RPRD2: variants seen among roughly 807,000 people sequenced by gnomAD.
The protein encoded by RPRD2 is regulation of nuclear pre-mRNA domain containing 2.
Under a neutral mutation model 104.4 loss-of-function variants are expected in RPRD2, and 12 were observed. That is an observed-to-expected ratio of 0.11 (90% CI 0.07 to 0.19). The LOEUF (loss-of-function observed/expected upper bound fraction) is 0.19. Among genes scored for constraint, RPRD2 ranks in the 10% least tolerant of loss-of-function variants. The pLI is 1.00. For missense variants in RPRD2, 1,543 were observed against 1,790.1 expected, an observed-to-expected ratio of 0.86 and a Z score of 2.49; for synonymous variants, 714 against 684.9, an observed-to-expected ratio of 1.04 and a Z score of -0.66.
intron 1 of RPRD2, among the ~76,000 whole-genome samples, chr1:150,403,886 G>A (rs782772029): frequency 2.0e-5 from 3 of 151,858 alleles, no homozygotes; most frequent in African/African-American, 4.8e-5. Context: ...CACCCACCTC[G>A]GCCTCCCAAA....
chr1:150,438,177 C>A (rs1240042755), intron 2 of RPRD2, among the ~76,000 whole-genome samples: 3 of 151,994 alleles, frequency 2.0e-5, no homozygotes, highest in Non-Finnish European at 4.4e-5. Flanking sequence ...GTAGTCCCAG[C>A]CACTTGGGAA....
At position 150,364,661 on chromosome 1, in the gene RPRD2, G is replaced by C; in HGVS notation, c.-54G>C. ...AGTGATTGTTTTGCCCGCTCCCGCC[G>C]CCGCCGCCGCCGCCGCCGCCAGAGG... On this transcript the variant is annotated 5_prime_UTR_variant, in exon 1 of 11. Coordinates refer to ENST00000369068, the MANE Select transcript of RPRD2 (RefSeq NM_015203.5). The C allele has an allele frequency of 2.0e-6, 2 of 977,150 alleles. No individual in the cohort carries two copies. The highest frequency in any genetic ancestry group is 1.5e-6 in the Non-Finnish European group (1 of 662,806). 60.5% of individuals were successfully genotyped at this position (977,150 alleles called of 1,614,324 possible). A position where few individuals can be genotyped will look rare whatever the true frequency, so the allele number is the denominator to read the frequency against.
intron 7 of RPRD2, among the ~76,000 whole-genome samples, chr1:150,450,766 G>T (rs181223989): frequency 1.3e-5 from 2 of 151,514 alleles, no homozygotes. Flanking sequence ...AACTACAGGC[G>T]CCCACCACCA....
chr1:150,391,015 G>A (rs1244043382), intron 1 of RPRD2, among the ~76,000 whole-genome samples: 2 of 152,084 alleles, frequency 1.3e-5, no homozygotes, highest in East Asian at 3.8e-4. Context: ...AGGAGAGGAT[G>A]GGTATTCTAT....
rs1668519833 is a variant in RPRD2 at position 150,470,508 on chromosome 1, A to G, written c.1613-53A>G. 11 of 1,544,562 alleles carry G rather than the reference A, an allele frequency of 7.1e-6. No individual in the cohort carries two copies. The South Asian group carries it at 1.3e-4, about 19-fold the overall frequency. ...TATCTGATTAGCCTACATTGTTTGC[A>G]TTGTATGATAGGGAGTTGTTCTTTT... On this transcript the variant is annotated intron_variant, in intron 10 of 10. Coordinates refer to ENST00000369068, the MANE Select transcript of RPRD2 (RefSeq NM_015203.5).
Position 150,471,728 on chromosome 1 carries a change from G to A in RPRD2, c.2780G>A (p.Arg927Gln), listed in dbSNP as rs753717700. 7.5e-5 allele frequency: 121 copies of A among 1,613,666 alleles called. No homozygotes were observed. Among genetic ancestry groups the A allele is most frequent in the African/African-American group, 4.4e-4 (33 of 74,840 alleles). Residue 927 changes from arginine to glutamine, a missense_variant, in exon 11 of 11, where the codon CGG becomes CAG. By Grantham distance (43) the Arg-to-Gln change is conservative. Coordinates refer to ENST00000369068, the MANE Select transcript of RPRD2 (RefSeq NM_015203.5). The surrounding 1 kb of genome is among the most constrained non-coding windows in gnomAD (Gnocchi z 5.3). ...SVRGNEPGSD[R>Q]SPSPSKNDSF... ...AGAGGGAATGAACCTGGGTCTGACC[G>A]GTCACCATCACCGAGTAAGAATGAT...
intron 2 of RPRD2, among the ~76,000 whole-genome samples, chr1:150,433,439 A>T (rs927599987): frequency 3.3e-5 from 3 of 90,394 alleles, no homozygotes; most frequent in Admixed American, 1.5e-4. Context: ...CACAGACATA[A>T]TTTTTTTTTT....
rs1391264682 is a variant in RPRD2 at position 150,382,888 on chromosome 1, G to A, written c.205+17969G>A. On this transcript the variant is annotated intron_variant, in intron 1 of 10. Transcript: ENST00000369068. ...TGAATAAGAGATAAGGTTTCACCAC[G>A]TTGCCCAGGCTGGTCTAGAACTGCT... 2.6e-5 allele frequency among the ~76,000 whole-genome samples: 4 copies of A among 152,240 alleles called. No individual in the cohort carries two copies. The South Asian group carries it at 6.2e-4, about 24-fold the overall frequency.
At chr1:150,377,270 T>G (rs782714637) in intron 1 of RPRD2, among the ~76,000 whole-genome samples, 1 of 151,118 alleles carries the variant, frequency 6.6e-6, no homozygotes, top group Admixed American at 6.6e-5. Context: ...ACCCCTGTAT[T>G]GGGTGCTGAA....
intron 1 of RPRD2, among the ~76,000 whole-genome samples, chr1:150,405,410 T>TA (rs587717959): frequency 1.2e-3 from 187 of 152,122 alleles, no homozygotes; most frequent in African/African-American, 3.7e-3. Flanking sequence ...ATTTTTTATT[T>TA]TTTTTTGGTA....
At position 150,364,942 on chromosome 1, in the gene RPRD2, G is replaced by A. The variant is rs377410893; in HGVS notation, c.205+23G>A. On this transcript the variant is annotated intron_variant, in intron 1 of 10. Transcript: ENST00000369068. The stretch of plus-strand genomic sequence containing the variant: ...GATGTGAGTGTTGGGGGTGACTAGG[G>A]AAGGGAAGACTGGGGAAATGGAAGG... 1.2e-5 allele frequency: 20 copies of A among 1,611,128 alleles called. No homozygotes were observed. The East Asian group carries it at 2.9e-4, about 23-fold the overall frequency.
chr1:150,382,590 C>G (rs782033604), intron 1 of RPRD2, among the ~76,000 whole-genome samples: 2 of 152,134 alleles, frequency 1.3e-5, no homozygotes, highest in African/African-American at 2.4e-5. Flanking sequence ...AACTCCTGAC[C>G]TCAGGCAATC....
rs368671406 is a variant in RPRD2 at position 150,441,000 on chromosome 1, T to C, written c.413T>C (p.Ile138Thr). 27 of 1,570,580 alleles carry C rather than the reference T, an allele frequency of 1.7e-5. No individual in the cohort carries two copies. Among genetic ancestry groups the C allele is most frequent in the Non-Finnish European group, 2.3e-5 (26 of 1,155,318 alleles). ...AGAAATGTATACCCAGAAGAAATGA[T>C]TGTGGCATTGAGAGAAGCTTTGAGT... ...EDRNVYPEEM[I>T]VALREALSTT... Residue 138 changes from isoleucine to threonine, a missense_variant, in exon 3 of 11, where the codon ATT becomes ACT. Physicochemically the swap from Ile to Thr is moderately conservative, Grantham distance 89. This residue lies in a region of RPRD2 where 572 missense variants were observed against 787.3 expected (regional missense o/e 0.73). Transcript: ENST00000369068.
In RPRD2 at chr1:150,470,915, A is replaced by T; in HGVS notation, c.1967A>T (p.Lys656Met). ...ATCTGCCAATCTTCAGAGGTCTCCA[A>T]GCCAAAGCTGGAGTCAGAGTCCACC... ...VTICQSSEVS[K>M]PKLESESTSP... Residue 656 changes from lysine to methionine, a missense_variant, in exon 11 of 11, where the codon AAG becomes ATG. By Grantham distance (95) the Lys-to-Met change is moderately conservative. This residue lies in a region of RPRD2 where 572 missense variants were observed against 787.3 expected (regional missense o/e 0.73). Coordinates refer to ENST00000369068, the MANE Select transcript of RPRD2 (RefSeq NM_015203.5). The T allele has an allele frequency of 1.9e-6, 3 of 1,613,992 alleles. No individual in the cohort carries two copies. The South Asian group carries it at 3.3e-5, about 18-fold the overall frequency.
In RPRD2 at chr1:150,473,088, C is replaced by T. The variant is rs962958808; in HGVS notation, c.4140C>T (p.Gly1380=). 1.2e-6 allele frequency: 2 copies of T among 1,614,010 alleles called. No homozygotes were observed. Among genetic ancestry groups the T allele is most frequent in the South Asian group, 1.1e-5 (1 of 91,080 alleles). The change falls in exon 11 of 11, where the codon GGC becomes GGT. Residue 1380 remains glycine (G), a synonymous_variant. Coordinates refer to ENST00000369068, the MANE Select transcript of RPRD2 (RefSeq NM_015203.5). ...TLPSHSLEHL[G]PPHGGGGGGG... is the part of the protein sequence containing the mutation. ...CCTCCCATTCTCTGGAACACCTGGGCCCACCCCATGGAGGAGGAGGTGGGG... is the reference window on the plus strand; with the variant it reads ...CCTCCCATTCTCTGGAACACCTGGGTCCACCCCATGGAGGAGGAGGTGGGG...
At chr1:150,389,758 C>A (rs1438629260) in intron 1 of RPRD2, among the ~76,000 whole-genome samples, 1 of 152,092 alleles carries the variant, frequency 6.6e-6, no homozygotes, top group African/African-American at 2.4e-5. Context: ...CATTTTAATG[C>A]ATTACTGGGT....
chr1:150,396,564 T>G (rs1553884251), intron 1 of RPRD2, among the ~76,000 whole-genome samples: 1 of 152,216 alleles, frequency 6.6e-6, no homozygotes, highest in African/African-American at 2.4e-5. Context: ...AGTTTCATTC[T>G]TCTACATGTG....
chr1:150,473,576 AAAAGT>A lies in RPRD2; in HGVS notation c.*247_*251del, dbSNP rs1013156729. 6.8e-5 allele frequency: 16 copies of A among 236,216 alleles called. No homozygotes were observed. Among genetic ancestry groups the A allele is most frequent in the South Asian group, 2.6e-4 (2 of 7,800 alleles). The allele number at this position is 236,216 out of a possible 1,614,324, so 14.6% of individuals were successfully genotyped here. On this transcript the variant is annotated 3_prime_UTR_variant, in exon 11 of 11. Coordinates refer to ENST00000369068, the MANE Select transcript of RPRD2 (RefSeq NM_015203.5). Reference sequence around the variant, plus strand: ...TGTATTAAAAAAAAAAAAAAAAAAAAAAAGTAAAGAAACACAACCAAAGCCATTTC... The same window carrying A: ...TGTATTAAAAAAAAAAAAAAAAAAAAAAAGAAACACAACCAAAGCCATTTC...
intron 1 of RPRD2, among the ~76,000 whole-genome samples, chr1:150,402,753 G>A (rs1156386775): frequency 6.6e-6 from 1 of 152,140 alleles, no homozygotes; most frequent in East Asian, 1.9e-4. Context: ...GATCACCTGA[G>A]GTCGGGAGTT....
Sources: gnomAD v4.1 joint callset for allele counts (sites outside exome capture counted in the v4.1 genomes callset) on GRCh38, gnomAD v4.1.1 for gene constraint, gnomAD v4.1.1 regional missense constraint, Gnocchi (gnomAD v3.1) non-coding constraint, MANE v1.5 for transcripts, NCBI Gene and HGNC (gene_info 2026-07-23, HGNC 2026-07-21) for gene names.